The following MGRN1 variants were observed in gnomAD, a reference collection of about 807,000 sequenced individuals.
MGRN1 encodes mahogunin ring finger 1, also known as E3 ubiquitin-protein ligase MGRN1.
A neutral mutation model predicts 69.2 loss-of-function variants in MGRN1; 29 were observed. That is an observed-to-expected ratio of 0.42 (90% confidence interval 0.31 to 0.57). The LOEUF is 0.57. Ranked by LOEUF, MGRN1 falls within the 20% of genes least tolerant of loss-of-function variation. MGRN1 has a pLI of 0.15. For synonymous variants in MGRN1, 470 were observed against 344.2 expected, an observed-to-expected ratio of 1.37 and a Z score of -4.04; for missense variants, 998 against 796.2, an observed-to-expected ratio of 1.25 and a Z score of -3.05.
In MGRN1 at chr16:4,680,097, A is replaced by C; in HGVS notation, c.1131A>C (p.Thr377=). 2 of 1,613,852 alleles carry C rather than the reference A, an allele frequency of 1.2e-6. No individual in the cohort carries two copies. Among genetic ancestry groups the C allele is most frequent in the South Asian group, 2.2e-5 (2 of 91,044 alleles). ...CCAGCAAGAAACCTAAAAGGGAAAC[A>C]GTAAGTGTCTGGTCCTCCGGCTACG... The part of the protein sequence containing the change: ...SLASKKPKRE[T]NSDSVPPGYE... Residue 377 remains threonine, a splice_region_variant and synonymous_variant, in exon 12 of 17, where the codon ACA becomes ACC. Coordinates refer to ENST00000262370, the MANE Select transcript of MGRN1 (RefSeq NM_015246.4).
In MGRN1 at chr16:4,680,080, A is replaced by C. The variant is rs749539082; in HGVS notation, c.1114A>C (p.Lys372Gln). Residue 372 changes from lysine (K) to glutamine (Q), a missense_variant, in exon 12 of 17, where the codon AAA (lysine) becomes CAA (glutamine). Lys to Gln is a moderately conservative substitution (Grantham distance 53). Coordinates refer to ENST00000262370, the MANE Select transcript of MGRN1 (RefSeq NM_015246.4). ...KPHPASLASK[K>Q]PKRETNSDSV... is the part of the protein sequence containing the mutation. Reference sequence around the variant, plus strand: ...GCACCCCGCCTCCCTGGCCAGCAAGAAACCTAAAAGGGAAACAGTAAGTGT... The same window carrying C: ...GCACCCCGCCTCCCTGGCCAGCAAGCAACCTAAAAGGGAAACAGTAAGTGT... The C allele has an allele frequency of 5.2e-5, 84 of 1,614,090 alleles. No homozygotes were observed. Among genetic ancestry groups the C allele is most frequent in the African/African-American group, 1.3e-5 (1 of 75,042 alleles).
intron 11 of MGRN1, among the ~76,000 whole-genome samples, chr16:4,678,066 C>T (rs559870556): frequency 2.0e-5 from 3 of 152,256 alleles, no homozygotes; most frequent in South Asian, 2.1e-4. Context: ...AGGCTGGTCT[C>T]GAACTCTTGG....
chr16:4,680,200 C>A, intron 12 of MGRN1, 103 bp downstream of exon 12: 1 of 1,156,498 alleles, frequency 8.6e-7, no homozygotes, highest in Non-Finnish European at 1.3e-6. Context: ...GTGTCTGATT[C>A]ATATAACCCG....
intron 13 of MGRN1, among the ~76,000 whole-genome samples, chr16:4,682,247 G>A (rs992988910): frequency 6.6e-6 from 1 of 152,220 alleles, no homozygotes; most frequent in Non-Finnish European, 1.5e-5. Flanking sequence ...CACGGGGCAC[G>A]GTCCCTCTCC....
At chr16:4,647,112 G>T (rs376614253) in intron 1 of MGRN1, among the ~76,000 whole-genome samples, 7 of 152,252 alleles carry the variant, frequency 4.6e-5, no homozygotes, top group Admixed American at 1.3e-4. Context: ...CCCTCTTGCC[G>T]TGCTGCTGTG....
At chr16:4,658,608 C>G (rs193166424) in intron 5 of MGRN1, among the ~76,000 whole-genome samples, 1 of 152,032 alleles carries the variant, frequency 6.6e-6, no homozygotes, top group Admixed American at 6.6e-5. Flanking sequence ...ACCACATGCC[C>G]TGCTAGCAGG....
At chr16:4,687,213 C>CA (rs1555460604) in intron 16 of MGRN1, 46 of 985,120 alleles carry the variant, frequency 4.7e-5, no homozygotes, top group African/African-American at 1.4e-4. Flanking sequence ...CCCATCCCCC[C>CA]CAAGAGGCGC....
intron 4 of MGRN1, among the ~76,000 whole-genome samples, chr16:4,654,935 G>T (rs951348675): frequency 2.6e-5 from 4 of 152,232 alleles, no homozygotes; most frequent in Non-Finnish European, 4.4e-5. Flanking sequence ...GTTCTTTGAG[G>T]CTCTACCTTG....
intron 1 of MGRN1, among the ~76,000 whole-genome samples, chr16:4,637,977 A>C (rs1021313545): frequency 2.0e-5 from 3 of 152,136 alleles, no homozygotes; most frequent in African/African-American, 7.2e-5. Flanking sequence ...GCTTAGTCAG[A>C]GTTGTTCTCA....
intron 16 of MGRN1, chr16:4,688,430 C>T (rs914616305): frequency 8.8e-5 from 93 of 1,051,232 alleles, no homozygotes; most frequent in African/African-American, 1.5e-4. Flanking sequence ...CTAACCCAGC[C>T]GTAAGAACCT....
At chr16:4,657,510 G>A in intron 5 of MGRN1, 147 bp downstream of exon 5, 1 of 788,376 alleles carries the variant, frequency 1.3e-6, no homozygotes, top group Non-Finnish European at 2.1e-6. Context: ...GTGCTCAGGT[G>A]GACGTGTGGA....
intron 1 of MGRN1, among the ~76,000 whole-genome samples, chr16:4,641,119 G>A (rs1197980575): frequency 1.3e-5 from 2 of 152,190 alleles, no homozygotes; most frequent in Non-Finnish European, 2.9e-5. Flanking sequence ...CCCCTTGGCA[G>A]CGCTGCCTGC....
Position 4,682,963 on chromosome 16 carries a change from G to A in MGRN1, c.1482+17G>A. ...TCCCCTGAGGTGAGGCCCCCCCGGG[G>A]AAGCTTTGCGCACCCGCCCGGGCCA... On this transcript the variant is annotated intron_variant, in intron 14 of 16. Transcript: ENST00000262370. 2 of 1,538,736 alleles carry A rather than the reference G, an allele frequency of 1.3e-6. No individual in the cohort carries two copies. The highest frequency in any genetic ancestry group is 1.8e-6 in the Non-Finnish European group (2 of 1,139,160).
chr16:4,687,216 A>G (rs1309753535), intron 16 of MGRN1: 1 of 984,658 alleles, frequency 1.0e-6, no homozygotes, highest in Non-Finnish European at 1.2e-6. Flanking sequence ...ATCCCCCCCA[A>G]GAGGCGCCCT....
intron 11 of MGRN1, 136 bp downstream of exon 11, chr16:4,677,708 G>A: frequency 1.2e-6 from 1 of 821,082 alleles, no homozygotes; most frequent in Non-Finnish European, 1.9e-6. Flanking sequence ...CCCATGGATG[G>A]CTGTGAGGCA....
At position 4,688,845 on chromosome 16, in the gene MGRN1, C is replaced by T. The variant is rs749378018; in HGVS notation, c.1668C>T (p.Pro556=). 9.0e-6 allele frequency: 14 copies of T among 1,555,118 alleles called. No individual in the cohort carries two copies. Among genetic ancestry groups the T allele is most frequent in the African/African-American group, 4.1e-5 (3 of 73,252 alleles). ...ETAHGLATTS[P]TWPPLGGPSP... ...CCCACGGCCTCGCCACCACCAGCCC[C>T]ACCTGGCCTCCACTTGGTGGCCCCA... The change falls in exon 17 of 17, where the codon CCC becomes CCT. Residue 556 remains proline, a synonymous_variant. Coordinates refer to ENST00000262370, the MANE Select transcript of MGRN1 (RefSeq NM_015246.4).
At chr16:4,665,389 C>T (rs1185743138) in intron 7 of MGRN1, among the ~76,000 whole-genome samples, 2 of 151,050 alleles carry the variant, frequency 1.3e-5, no homozygotes, top group Non-Finnish European at 3.0e-5. Flanking sequence ...TTTCCTGAGC[C>T]GGGCTCACTC....
chr16:4,685,122 T>A (rs1041705805), intron 16 of MGRN1, among the ~76,000 whole-genome samples: 2 of 152,246 alleles, frequency 1.3e-5, no homozygotes, highest in Non-Finnish European at 2.9e-5. Flanking sequence ...AAGGTGTGTT[T>A]AGGACCAGCT....
At chr16:4,682,257 C>T (rs916082531) in intron 13 of MGRN1, among the ~76,000 whole-genome samples, 10 of 152,234 alleles carry the variant, frequency 6.6e-5, no homozygotes, top group Non-Finnish European at 1.3e-4. Context: ...GGTCCCTCTC[C>T]AGGCGATGAG....
Sources: gnomAD v4.1 joint callset for allele counts (sites outside exome capture counted in the v4.1 genomes callset) on GRCh38, gnomAD v4.1.1 for gene constraint, MANE v1.5 for transcripts, NCBI Gene and HGNC (gene_info 2026-07-23, HGNC 2026-07-21) for gene names.